PCDH15: variants seen among roughly 807,000 people sequenced by gnomAD.
The protein encoded by PCDH15 is protocadherin-15.
A neutral mutation model predicts 178.5 loss-of-function variants in PCDH15; 129 were observed. That is an observed-to-expected ratio of 0.72 (90% CI 0.63 to 0.84). PCDH15 has a LOEUF of 0.84. PCDH15 is among the 40% of genes least tolerant of loss of function. The pLI, the probability that PCDH15 is intolerant of heterozygous loss-of-function variation, is 0.00. For missense variants in PCDH15, 2,230 were observed against 2,099.9 expected (o/e 1.06, Z -1.21); for synonymous variants, 800 against 732.0 (o/e 1.09, Z -1.50).
chr10:54,867,894 C>A lies in PCDH15; in HGVS notation c.-29+29556G>T, dbSNP rs531029265. Among the ~76,000 whole-genome samples, 10 of 152,230 alleles carry A rather than the reference C, an allele frequency of 6.6e-5. No homozygotes were observed. The East Asian group carries it at 1.9e-3, about 29-fold the overall frequency. On this transcript the variant is annotated intron_variant, in intron 3 of 5. Coordinates refer to the PCDH15 transcript ENST00000458638. The stretch of plus-strand genomic sequence containing the variant: ...AGGTAACTGAAGATCTACTGCACAG[C>A]ATAGTGACTAACTATAATTAATAAT...
At chr10:54,901,358 G>T (rs1324642768) in intron 2 of PCDH15, among the ~76,000 whole-genome samples, 1 of 152,146 alleles carries the variant, frequency 6.6e-6, no homozygotes, top group Non-Finnish European at 1.5e-5. Flanking sequence ...TGCTTAATTG[G>T]TACAATTTTA....
At chr10:55,215,839 T>A (rs965426415) in intron 1 of PCDH15, among the ~76,000 whole-genome samples, 1 of 151,998 alleles carries the variant, frequency 6.6e-6, no homozygotes, top group African/African-American at 2.4e-5. Context: ...TAGTCACAGC[T>A]GTTTTTCTGT....
In PCDH15 at chr10:54,307,102, GTGTA is replaced by G. The variant is rs1456961616; in HGVS notation, c.876+10165_876+10168del. On this transcript the variant is annotated intron_variant, in intron 8 of 37. Transcript: ENST00000644397. ...TATACATATATATATATGTGTGTGT[GTGTA>G]TATATATATATATATATATATATAT... 7.7e-3 allele frequency among the ~76,000 whole-genome samples: 90 copies of G among 11,726 alleles called. 8 individuals carry two copies. Among genetic ancestry groups the G allele is most frequent in the African/African-American group, 0.016 (38 of 2,442 alleles). 7.7% of individuals were successfully genotyped at this position (11,726 alleles called of 152,430 possible).
chr10:55,189,578 C>A (rs547662478), intron 1 of PCDH15, among the ~76,000 whole-genome samples: 1 of 151,922 alleles, frequency 6.6e-6, no homozygotes, highest in East Asian at 1.9e-4. Context: ...TTGAGGTGAG[C>A]AGAACTTCTA....
rs908090384 is a variant in PCDH15, at chr10:53,817,608, G to A, written c.4452+387C>T. 7.8e-5 allele frequency among the ~76,000 whole-genome samples: 11 copies of A among 141,272 alleles called. No homozygotes were observed. The East Asian group carries it at 8.4e-4, about 11-fold the overall frequency. 92.7% of individuals were successfully genotyped at this position (141,272 alleles called of 152,430 possible). A position where few individuals can be genotyped will look rare whatever the true frequency, so the allele number is the denominator to read the frequency against. ...CTGATCTTGGCTCACTGCAATCTCC[G>A]CCTTGCCGGTTCAAGCAATTCTCCT... On this transcript the variant is annotated intron_variant, in intron 34 of 37. Coordinates refer to ENST00000644397, the MANE Select transcript of PCDH15 (RefSeq NM_001384140.1).
intron 2 of PCDH15, among the ~76,000 whole-genome samples, chr10:54,530,416 G>T (rs1271130887): frequency 1.3e-5 from 2 of 151,810 alleles, no homozygotes; most frequent in African/African-American, 2.4e-5. Flanking sequence ...TGGACTAATT[G>T]CCCCATTGGC....
At chr10:54,572,620 A>C (rs1450716694) in intron 2 of PCDH15, among the ~76,000 whole-genome samples, 2 of 152,104 alleles carry the variant, frequency 1.3e-5, no homozygotes, top group African/African-American at 4.8e-5. Flanking sequence ...AAAATGTATT[A>C]AATATGTTTT....
chr10:55,485,688 T>C (rs1232506986), intron 2 of PCDH15, among the ~76,000 whole-genome samples: 7 of 151,582 alleles, frequency 4.6e-5, no homozygotes, highest in Non-Finnish European at 7.4e-5. Context: ...AGGAGGCGCC[T>C]GCAATCCACG....
chr10:54,656,256 A>G (rs995910238), intron 2 of PCDH15, among the ~76,000 whole-genome samples: 2 of 152,110 alleles, frequency 1.3e-5, no homozygotes, highest in African/African-American at 4.8e-5. Context: ...GAGAACCCAC[A>G]AGAAGAAGCT....
chr10:54,099,513 A>ATATAT (rs1554965278), intron 15 of PCDH15, among the ~76,000 whole-genome samples: 2 of 117,932 alleles, frequency 1.7e-5, no homozygotes, highest in African/African-American at 7.7e-5. Context: ...AAAAAAAAAA[A>ATATAT]ATATATATAT....
At chr10:54,266,898 C>A (rs4612708) in intron 8 of PCDH15, among the ~76,000 whole-genome samples, 106,517 of 151,436 alleles carry the variant, frequency 0.7, 38,337 homozygotes, top group Middle Eastern at 0.76. Context: ...TCCAAAAAAT[C>A]GAGGATGAGA....
At chr10:55,266,761 CAG>C (rs894277242) in intron 1 of PCDH15, among the ~76,000 whole-genome samples, 33 of 152,262 alleles carry the variant, frequency 2.2e-4, no homozygotes, top group Admixed American at 2.0e-3. Context: ...CAGAACCACA[CAG>C]AGTCTGGCCA....
chr10:53,961,877 G>A lies in PCDH15; in HGVS notation c.2884C>T (p.Arg962Cys), dbSNP rs201816080. The A allele has an allele frequency of 2.8e-4, 452 of 1,608,478 alleles. No individual in the cohort carries two copies. The East Asian group carries it at 8.2e-3, about 29-fold the overall frequency. Residue 962 changes from arginine (R) to cysteine (C), a missense_variant, in exon 22 of 38, where the codon CGT becomes TGT. By Grantham distance (180) the Arg-to-Cys change is radical. Transcript: ENST00000644397. ...DADPPGLPASRVRYRVDDVQF... is the reference protein window; with the variant it reads ...DADPPGLPASCVRYRVDDVQF... ...ACATCATCTACTCTATACCTCACAC[G>A]ACTTGCAGGTAATCCCTAAAATAAA...
intron 2 of PCDH15, among the ~76,000 whole-genome samples, chr10:55,623,127 G>A (rs560224315): frequency 3.9e-5 from 6 of 151,962 alleles, no homozygotes; most frequent in African/African-American, 9.7e-5. Flanking sequence ...ATTTTTTAAC[G>A]TTAATGTCCT....
At chr10:54,992,237 C>T (rs1397630550) in intron 2 of PCDH15, among the ~76,000 whole-genome samples, 1 of 152,156 alleles carries the variant, frequency 6.6e-6, no homozygotes, top group Non-Finnish European at 1.5e-5. Context: ...ACCACACTGC[C>T]ATTTGATCAA....
At chr10:54,692,518 T>C (rs958760719) in intron 1 of PCDH15, among the ~76,000 whole-genome samples, 9 of 152,194 alleles carry the variant, frequency 5.9e-5, no homozygotes, top group African/African-American at 2.2e-4. Context: ...GGGTTAAATG[T>C]TCTTCTTGTT....
At position 54,232,444 on chromosome 10, in the gene PCDH15, A is replaced by G. The variant is rs550254533; in HGVS notation, c.985+4379T>C. 2.0e-5 allele frequency among the ~76,000 whole-genome samples: 3 copies of G among 152,352 alleles called. No individual in the cohort carries two copies. The East Asian group carries it at 5.8e-4, about 29-fold the overall frequency. On this transcript the variant is annotated intron_variant, in intron 9 of 37. Transcript: ENST00000644397. ...AGGTAGTTATTTATAGCAGTGCAAG[A>G]ACAGACTAACACAGAAGAGGTATTA...
intron 1 of PCDH15, among the ~76,000 whole-genome samples, chr10:55,183,524 G>C (rs1368800291): frequency 6.6e-6 from 1 of 151,784 alleles, no homozygotes; most frequent in Non-Finnish European, 1.5e-5. Context: ...TTGAGCCCAG[G>C]AGTTCAAGAC....
intron 1 of PCDH15, among the ~76,000 whole-genome samples, chr10:54,682,115 G>GT (rs1256843916): frequency 1.3e-5 from 2 of 152,070 alleles, no homozygotes; most frequent in African/African-American, 4.8e-5. Context: ...CTTGATGTTT[G>GT]TTTTTTCTTT....
Sources: gnomAD v4.1 joint callset for allele counts (sites outside exome capture counted in the v4.1 genomes callset) on GRCh38, gnomAD v4.1.1 for gene constraint, MANE v1.5 for transcripts, NCBI Gene and HGNC (gene_info 2026-07-23, HGNC 2026-07-21) for gene names.